Variants in PLAAT1 observed in about 807,000 individuals in gnomAD.
The protein encoded by PLAAT1 is phospholipase A and acyltransferase 1.
In PLAAT1, 13 loss-of-function variants were observed where a neutral mutation model predicts 16.4. The ratio of observed to expected loss-of-function variants is 0.79; its 90% CI spans 0.52 to 1.26. The LOEUF (loss-of-function observed/expected upper bound fraction) is 1.26, where lower values mean the gene tolerates loss of function less well. Among genes scored for constraint, PLAAT1 ranks in the 50% most tolerant of loss-of-function variants. The probability of loss-of-function intolerance (pLI) is 0.00; values close to 1 mark genes in which losing one functional copy is unlikely to be tolerated. For missense variants in PLAAT1, 218 were observed against 207.8 expected (o/e 1.05, Z -0.30); for synonymous variants, 73 against 78.4 (o/e 0.93, Z 0.36).
intron 1 of PLAAT1, among the ~76,000 whole-genome samples, chr3:193,242,544 A>G (rs1418306364): frequency 6.6e-6 from 1 of 152,152 alleles, no homozygotes. Context: ...GGATAGTTTG[A>G]TTTGCCTAGA....
chr3:193,262,445 C>T lies in PLAAT1; in HGVS notation c.140-525C>T, dbSNP rs556091168. Among the ~76,000 whole-genome samples, 39 of 149,682 alleles carry T rather than the reference C, an allele frequency of 2.6e-4. 1 individual carries two copies. Among genetic ancestry groups the T allele is most frequent in the South Asian group, 4.3e-4 (2 of 4,690 alleles). On this transcript the variant is annotated intron_variant, in intron 2 of 3. Coordinates refer to ENST00000264735, the MANE Select transcript of PLAAT1 (RefSeq NM_020386.5). ...CAGGACTGAGGTACCATGCGGGTTTCGGAATAGGAAATTGGACCCCAAATT... is the reference window on the plus strand; with the variant it reads ...CAGGACTGAGGTACCATGCGGGTTTTGGAATAGGAAATTGGACCCCAAATT...
At chr3:193,279,305 A>G (rs75132899), downstream of PLAAT1, 3,456 of 1,293,528 alleles carry the variant, frequency 2.7e-3, 63 homozygotes, top group African/African-American at 0.046. Flanking sequence ...CTTGTGAATT[A>G]CAATGAATAC....
chr3:193,249,413 A>G (rs1007932613), intron 1 of PLAAT1, among the ~76,000 whole-genome samples: 2 of 152,156 alleles, frequency 1.3e-5, no homozygotes, highest in African/African-American at 2.4e-5. Flanking sequence ...GGAAACTGCA[A>G]CTTTAACCAA....
intron 1 of PLAAT1, among the ~76,000 whole-genome samples, chr3:193,251,080 T>C (rs1242812956): frequency 1.3e-5 from 2 of 152,114 alleles, no homozygotes; most frequent in African/African-American, 4.8e-5. Flanking sequence ...TGGAGTCTTC[T>C]AGTCTGGAGT....
At chr3:193,264,777 C>A (rs1229285193) in intron 3 of PLAAT1, among the ~76,000 whole-genome samples, 1 of 152,136 alleles carries the variant, frequency 6.6e-6, no homozygotes, top group Non-Finnish European at 1.5e-5. Context: ...CCTCCCACAG[C>A]GCTGGGATTA....
chr3:193,278,098 C>G (rs1717310399), downstream of PLAAT1, among the ~76,000 whole-genome samples: 1 of 152,222 alleles, frequency 6.6e-6, no homozygotes, highest in African/African-American at 2.4e-5. Flanking sequence ...GCCACCATGC[C>G]TGACCCTGGA....
intron 3 of PLAAT1, among the ~76,000 whole-genome samples, chr3:193,268,724 G>A (rs995150453): frequency 1.2e-4 from 19 of 152,186 alleles, no homozygotes; most frequent in African/African-American, 4.1e-4. Flanking sequence ...GTGGCTTTAT[G>A]ATCATGATAT....
chr3:193,241,306 G>A lies in PLAAT1; in HGVS notation c.-228G>A. Reference sequence around the variant, plus strand: ...CGGCGTGCGGGCGTCTCAGAGCCGCGGAGGGGCCGCCGGGACCGTTTCAGC... The same window carrying A: ...CGGCGTGCGGGCGTCTCAGAGCCGCAGAGGGGCCGCCGGGACCGTTTCAGC... On this transcript the variant is annotated 5_prime_UTR_variant, in exon 1 of 4. Transcript: ENST00000264735. 4.1e-6 allele frequency: 5 copies of A among 1,231,064 alleles called. No individual in the cohort carries two copies. Among genetic ancestry groups the A allele is most frequent in the Non-Finnish European group, 5.1e-6 (5 of 987,540 alleles). The allele number at this position is 1,231,064 out of a possible 1,614,324, so 76.3% of individuals were successfully genotyped here.
chr3:193,269,328 T>C lies in PLAAT1; in HGVS notation c.406-1276T>C, dbSNP rs565343062. Among the ~76,000 whole-genome samples, 5 of 152,238 alleles carry C rather than the reference T, an allele frequency of 3.3e-5. 1 individual carries two copies. The South Asian group carries it at 1.0e-3, about 32-fold the overall frequency. On this transcript the variant is annotated intron_variant, in intron 3 of 3. Coordinates refer to ENST00000264735, the MANE Select transcript of PLAAT1 (RefSeq NM_020386.5). ...TTTGCCCTTACCATTCTCCCTGGCA[T>C]CTGGGGGTTGGAGCAGAGACAGTGG...
At chr3:193,268,636 A>G (rs1008852134) in intron 3 of PLAAT1, among the ~76,000 whole-genome samples, 5 of 152,180 alleles carry the variant, frequency 3.3e-5, no homozygotes, top group African/African-American at 7.2e-5. Flanking sequence ...ATTACATGAG[A>G]TTCATTATCT....
intron 2 of PLAAT1, among the ~76,000 whole-genome samples, chr3:193,259,862 G>GA (rs1397233816): frequency 1.3e-5 from 2 of 151,968 alleles, no homozygotes; most frequent in African/African-American, 2.4e-5. Context: ...CACAGAATTA[G>GA]AAAAAATATT....
chr3:193,268,435 C>A (rs1314459653), intron 3 of PLAAT1, among the ~76,000 whole-genome samples: 1 of 152,160 alleles, frequency 6.6e-6, no homozygotes, highest in Non-Finnish European at 1.5e-5. Flanking sequence ...CAGAACGAGG[C>A]CTTTATTATG....
Position 193,241,278 on chromosome 3 carries a change from CCCCG to C in PLAAT1, c.-255_-252del. On this transcript the variant is annotated 5_prime_UTR_variant, in exon 1 of 4. Transcript: ENST00000264735. ...GGACGCCGAGCCCAGCGCGTCGGCC[CCCCG>C]GCGTGCGGGCGTCTCAGAGCCGCGG... 8.1e-7 allele frequency: 1 copy of C among 1,230,020 alleles called. No homozygotes were observed. The allele number at this position is 1,230,020 out of a possible 1,614,324, so 76.2% of individuals were successfully genotyped here.
chr3:193,278,511 T>C (rs1717327643), downstream of PLAAT1, among the ~76,000 whole-genome samples: 1 of 152,194 alleles, frequency 6.6e-6, no homozygotes, highest in Non-Finnish European at 1.5e-5. Context: ...TTGATTTCTG[T>C]CTCTGCCACC....
intron 1 of PLAAT1, among the ~76,000 whole-genome samples, chr3:193,249,573 T>G (rs1386309937): frequency 6.6e-6 from 1 of 152,200 alleles, no homozygotes; most frequent in Non-Finnish European, 1.5e-5. Flanking sequence ...ACTTGCTATA[T>G]GTCTTTGAAT....
chr3:193,242,991 C>A (rs766582258), intron 1 of PLAAT1, among the ~76,000 whole-genome samples: 22 of 152,204 alleles, frequency 1.4e-4, no homozygotes, highest in Non-Finnish European at 2.9e-4. Flanking sequence ...CATGAGCAGA[C>A]GTTCAGCCTG....
downstream of PLAAT1, among the ~76,000 whole-genome samples, chr3:193,272,033 C>G (rs540144491): frequency 6.6e-6 from 1 of 152,248 alleles, no homozygotes; most frequent in African/African-American, 2.4e-5. Flanking sequence ...CACTGGTCTT[C>G]TGTGGGGGTG....
chr3:193,270,767 G>T lies in PLAAT1; in HGVS notation c.*62G>T. On this transcript the variant is annotated 3_prime_UTR_variant, in exon 4 of 4. Coordinates refer to ENST00000264735, the MANE Select transcript of PLAAT1 (RefSeq NM_020386.5). ...GGGAGGAGGAAAAGAAACCTGGGGT[G>T]AATACTTATTTTCAGTGCATCATTA... 6.4e-7 allele frequency: 1 copy of T among 1,572,654 alleles called. No individual in the cohort carries two copies. The highest frequency in any genetic ancestry group is 1.2e-5 in the South Asian group (1 of 84,856).
intron 2 of PLAAT1, among the ~76,000 whole-genome samples, chr3:193,258,234 A>C (rs1716449036): frequency 6.6e-6 from 1 of 152,218 alleles, no homozygotes; most frequent in Non-Finnish European, 1.5e-5. Flanking sequence ...GACACAACTT[A>C]CCAAAATCTT....
Sources: gnomAD v4.1 joint callset for allele counts (sites outside exome capture counted in the v4.1 genomes callset) on GRCh38, gnomAD v4.1.1 for gene constraint, MANE v1.5 for transcripts, NCBI Gene and HGNC (gene_info 2026-07-23, HGNC 2026-07-21) for gene names.